The following DGKB variants were observed in gnomAD, a reference collection of about 807,000 sequenced individuals.
DGKB encodes the protein 90 kDa diacylglycerol kinase.
DGKB carries 67 observed loss-of-function variants against 114.3 expected under a neutral mutation model. The ratio of observed to expected loss-of-function variants is 0.59; its 90% CI spans 0.48 to 0.72. The LOEUF (loss-of-function observed/expected upper bound fraction) is 0.72, where lower values mean the gene tolerates loss of function less well. Ranked by LOEUF, DGKB falls within the 30% of genes least tolerant of loss-of-function variation. The pLI, the probability that DGKB is intolerant of heterozygous loss-of-function variation, is 0.00. For synonymous variants in DGKB, 398 were observed against 323.1 expected, an observed-to-expected ratio of 1.23 and a Z score of -2.49; for missense variants, 907 against 975.2, an observed-to-expected ratio of 0.93 and a Z score of 0.93.
At chr7:14,396,642 G>C (rs1822262014) in intron 21 of DGKB, among the ~76,000 whole-genome samples, 1 of 152,160 alleles carries the variant, frequency 6.6e-6, no homozygotes, top group Non-Finnish European at 1.5e-5. Context: ...GTAGGTTAAA[G>C]CAGATGGCAT....
At chr7:14,238,373 A>G (rs1010142801) in intron 23 of DGKB, among the ~76,000 whole-genome samples, 1 of 151,870 alleles carries the variant, frequency 6.6e-6, no homozygotes, top group Admixed American at 6.6e-5. Flanking sequence ...TGCCCTAACT[A>G]TAAGTTTCCT....
At chr7:14,730,584 G>A (rs1366120834) in intron 5 of DGKB, among the ~76,000 whole-genome samples, 1 of 152,184 alleles carries the variant, frequency 6.6e-6, no homozygotes. Flanking sequence ...GGGGTGCATA[G>A]GGCAGGGAGA....
At chr7:14,172,425 C>T (rs960187475) in intron 25 of DGKB, among the ~76,000 whole-genome samples, 1 of 151,986 alleles carries the variant, frequency 6.6e-6, no homozygotes, top group Non-Finnish European at 1.5e-5. Flanking sequence ...AAATCTAAAA[C>T]AGTGGTTAAT....
In DGKB at chr7:14,155,490, T is replaced by G. The variant is rs188816263; in HGVS notation, c.2305-6252A>C. ...CATGGTGGAGGGACAGTGGCAGAAT[T>G]AAAACTGAGTTTTAGTTACATCATC... On this transcript the variant is annotated intron_variant, in intron 25 of 25. Coordinates refer to ENST00000402815, the MANE Select transcript of DGKB (RefSeq NM_001350709.2). 4.1e-3 allele frequency among the ~76,000 whole-genome samples: 629 copies of G among 152,250 alleles called. 2 individuals are homozygous for G. The highest frequency in any genetic ancestry group is 0.017 in the Middle Eastern group (5 of 294).
intron 23 of DGKB, among the ~76,000 whole-genome samples, chr7:14,215,767 T>A (rs1788854206): frequency 6.6e-6 from 1 of 152,168 alleles, no homozygotes; most frequent in Non-Finnish European, 1.5e-5. Flanking sequence ...GAAGTGTAAT[T>A]AGTAACCAGT....
At chr7:14,339,012 C>A (rs1421359131) in intron 22 of DGKB, among the ~76,000 whole-genome samples, 2 of 151,822 alleles carry the variant, frequency 1.3e-5, no homozygotes, top group African/African-American at 4.8e-5. Flanking sequence ...TATATTTAAC[C>A]AGCTGCAAAT....
At chr7:14,397,776 G>C (rs1271245408) in intron 21 of DGKB, among the ~76,000 whole-genome samples, 1 of 152,088 alleles carries the variant, frequency 6.6e-6, no homozygotes, top group Admixed American at 6.6e-5. Flanking sequence ...AGTGGATTGT[G>C]CTTGTTAGGT....
intron 20 of DGKB, among the ~76,000 whole-genome samples, chr7:14,523,407 G>T (rs997013312): frequency 2.0e-5 from 3 of 152,122 alleles, no homozygotes; most frequent in African/African-American, 7.2e-5. Context: ...TCCCTCAGGT[G>T]CAGCCTTCTT....
At chr7:14,543,317 G>A (rs1337738436) in intron 20 of DGKB, among the ~76,000 whole-genome samples, 3 of 151,828 alleles carry the variant, frequency 2.0e-5, no homozygotes, top group Non-Finnish European at 2.9e-5. Flanking sequence ...GGTGGCATGC[G>A]CCTATGGTCC....
intron 23 of DGKB, among the ~76,000 whole-genome samples, chr7:14,223,402 T>C (rs967545547): frequency 1.6e-4 from 24 of 151,858 alleles, no homozygotes; most frequent in African/African-American, 5.5e-4. Context: ...TCCTACATAA[T>C]GCAACTTCCT....
At chr7:14,581,647 G>A (rs182646062) in intron 18 of DGKB, among the ~76,000 whole-genome samples, 274 of 152,282 alleles carry the variant, frequency 1.8e-3, no homozygotes, top group African/African-American at 6.3e-3. Flanking sequence ...TCTCACAAAT[G>A]TATATCACTT....
At chr7:14,792,145 A>G (rs1840749784) in intron 2 of DGKB, among the ~76,000 whole-genome samples, 1 of 152,278 alleles carries the variant, frequency 6.6e-6, no homozygotes, top group East Asian at 1.9e-4. Flanking sequence ...TGCTTAATTC[A>G]AAATCTACCT....
rs202221285 is a variant in DGKB, at chr7:14,701,652, T to C, written c.516+29A>G. The stretch of plus-strand genomic sequence containing the variant: ...TCTTCAGAAGAAAATCTTTGAAGTT[T>C]TCACAGAAACTTTGAAGAAAAAAAT... On this transcript the variant is annotated intron_variant, in intron 7 of 25. Coordinates refer to ENST00000402815, the MANE Select transcript of DGKB (RefSeq NM_001350709.2). The C allele has an allele frequency of 4.5e-5, 70 of 1,553,782 alleles. No individual in the cohort carries two copies. In the African/African-American group the frequency reaches 8.9e-4, roughly 20 times the overall value.
intron 1 of DGKB, among the ~76,000 whole-genome samples, chr7:14,849,567 C>A (rs575693443): frequency 6.6e-6 from 1 of 152,126 alleles, no homozygotes. Flanking sequence ...AAATAAATTT[C>A]TCTTTATTAT....
At chr7:14,249,970 T>C (rs1562739913) in intron 23 of DGKB, among the ~76,000 whole-genome samples, 1 of 151,854 alleles carries the variant, frequency 6.6e-6, no homozygotes, top group African/African-American at 2.4e-5. Flanking sequence ...CTATTTTATT[T>C]TGTTGAGAGA....
At chr7:14,245,690 G>A (rs922255606) in intron 23 of DGKB, among the ~76,000 whole-genome samples, 10 of 152,312 alleles carry the variant, frequency 6.6e-5, no homozygotes, top group Non-Finnish European at 1.5e-5. Flanking sequence ...CACTTTGGGA[G>A]GCCGAGGTGA....
intron 16 of DGKB, among the ~76,000 whole-genome samples, chr7:14,613,077 T>C (rs568200933): frequency 6.6e-6 from 1 of 152,176 alleles, no homozygotes; most frequent in South Asian, 2.1e-4. Context: ...GCCAGACTCT[T>C]TGTTAGGGGA....
intron 1 of DGKB, among the ~76,000 whole-genome samples, chr7:14,923,444 G>A (rs1446014863): frequency 6.6e-6 from 1 of 152,230 alleles, no homozygotes; most frequent in East Asian, 1.9e-4. Context: ...TTTTAAACAA[G>A]TCACTTTTCC....
At chr7:14,179,533 G>GGAATCCACTTTGTACA (rs1473456107) in intron 23 of DGKB, among the ~76,000 whole-genome samples, 1 of 152,068 alleles carries the variant, frequency 6.6e-6, no homozygotes, top group Non-Finnish European at 1.5e-5. Context: ...TGTTTTGTAG[G>GGAATCCACTTTGTACA]GAATCCACTT....
Sources: allele counts gnomAD v4.1 joint callset (sites outside exome capture counted in the v4.1 genomes callset), GRCh38; gene constraint gnomAD v4.1.1; transcripts MANE v1.5; gene names NCBI Gene and HGNC (gene_info 2026-07-23, HGNC 2026-07-21).